TCF20: variants seen among roughly 807,000 people sequenced by gnomAD.
TCF20 encodes the protein SPRE-binding protein.
TCF20 carries 3 observed loss-of-function variants against 148.6 expected under a neutral mutation model. The ratio of observed to expected loss-of-function variants is 0.02; its 90% confidence interval spans 0.01 to 0.05. The LOEUF is 0.05. Among genes scored for constraint, TCF20 ranks in the 10% least tolerant of loss-of-function variants. The probability of loss-of-function intolerance (pLI) is 1.00; values close to 1 mark genes in which losing one functional copy is unlikely to be tolerated. For missense variants in TCF20, 2,350 were observed against 2,429.3 expected (o/e 0.97, Z 0.69); for synonymous variants, 1,049 against 909.5 (o/e 1.15, Z -2.76).
At chr22:42,183,801 T>G (rs1936904093) in intron 2 of TCF20, among the ~76,000 whole-genome samples, 2 of 151,750 alleles carry the variant, frequency 1.3e-5, no homozygotes, top group Admixed American at 1.3e-4. Context: ...TGATGGAGTT[T>G]CGCTCTTGTC....
chr22:42,249,472 A>T (rs982895674), intron 1 of TCF20, among the ~76,000 whole-genome samples: 14 of 152,348 alleles, frequency 9.2e-5, no homozygotes, highest in African/African-American at 3.4e-4. Flanking sequence ...GCACAATTGA[A>T]GAGATCTGTG....
intron 1 of TCF20, among the ~76,000 whole-genome samples, chr22:42,267,606 T>A (rs1456956654): frequency 6.6e-6 from 1 of 151,800 alleles, no homozygotes; most frequent in East Asian, 1.9e-4. Context: ...GAGGCTGAGG[T>A]GGGAGAATTG....
intron 3 of TCF20, among the ~76,000 whole-genome samples, chr22:42,178,585 CTTTTTTTTTTTTT>C (rs71184870): frequency 1.3e-5 from 1 of 78,428 alleles, no homozygotes; most frequent in Non-Finnish European, 2.5e-5. Flanking sequence ...ACAAATAATT[CTTTTTTTTTTTTT>C]TTTTTTTTTT....
At position 42,215,213 on chromosome 22, in the gene TCF20, G is replaced by T. The variant is rs927176590; in HGVS notation, c.93C>A (p.Ser31Arg). Residue 31 changes from serine to arginine, a missense_variant, in exon 2 of 6, where the codon AGC becomes AGA. Physicochemically the swap from Ser to Arg is moderately radical, Grantham distance 110. This residue lies in a region of TCF20 where 1,641 missense variants were observed against 1,662.6 expected (regional missense o/e 0.99). Transcript: ENST00000677622. ...TCTGGAACATCTGGGCCTGACGAGG[G>T]CTGAACTCTTCTAGCCGGGATGAGC... is the stretch of plus-strand genomic sequence containing the variant. ...VHGSSRLEEF[S>R]PRQAQMFQNF... 1 of 1,614,056 alleles carries T rather than the reference G, an allele frequency of 6.2e-7. No homozygotes were observed. The highest frequency in any genetic ancestry group is 8.5e-7 in the Non-Finnish European group (1 of 1,180,044).
chr22:42,286,191 T>C (rs1356155756), upstream of TCF20, among the ~76,000 whole-genome samples: 2 of 152,224 alleles, frequency 1.3e-5, no homozygotes, highest in Non-Finnish European at 1.5e-5. Context: ...GAACTGTACC[T>C]GTCCCCTCCC....
intron 5 of TCF20, among the ~76,000 whole-genome samples, chr22:42,164,144 T>C (rs1935630284): frequency 6.6e-6 from 1 of 151,858 alleles, no homozygotes; most frequent in African/African-American, 2.4e-5. Context: ...TCTGAATCTA[T>C]ACTGATTAAG....
At chr22:42,313,693 G>A (rs900347988) in intron 1 of TCF20, among the ~76,000 whole-genome samples, 37 of 146,730 alleles carry the variant, frequency 2.5e-4, no homozygotes, top group Non-Finnish European at 2.1e-4. Flanking sequence ...TCCACCTCCT[G>A]TGTTCAAGCA....
chr22:42,314,046 G>A (rs6002686), intron 1 of TCF20, among the ~76,000 whole-genome samples: 84,308 of 152,130 alleles, frequency 0.55, 23,987 homozygotes, highest in African/African-American at 0.67. Context: ...TGTGTTCAGA[G>A]CTGTGACCTT....
intron 1 of TCF20, 80 bp from the exon 2 acceptor site, chr22:42,215,421 A>G: frequency 6.8e-7 from 1 of 1,475,884 alleles, no homozygotes; most frequent in Non-Finnish European, 9.0e-7. Context: ...TGGAGGGAAT[A>G]AAGATGAATC....
At chr22:42,340,884 C>T (rs1271567885) in intron 1 of TCF20, among the ~76,000 whole-genome samples, 14 of 85,678 alleles carry the variant, frequency 1.6e-4, no homozygotes, top group Non-Finnish European at 2.2e-5. Flanking sequence ...AGGAGGGAAG[C>T]CCCCCCCCCC....
intron 3 of TCF20, among the ~76,000 whole-genome samples, chr22:42,174,851 C>A (rs142437509): frequency 1.3e-5 from 2 of 151,928 alleles, no homozygotes; most frequent in Non-Finnish European, 2.9e-5. Context: ...CCGGCTAACA[C>A]GGTGAAACCC....
At chr22:42,253,670 A>C (rs1182257747) in intron 1 of TCF20, among the ~76,000 whole-genome samples, 1 of 152,224 alleles carries the variant, frequency 6.6e-6, no homozygotes, top group East Asian at 1.9e-4. Context: ...AAACCCTGAA[A>C]ACAGTAGAGT....
chr22:42,176,618 C>T (rs1350723234), intron 3 of TCF20, among the ~76,000 whole-genome samples: 2 of 152,228 alleles, frequency 1.3e-5, no homozygotes. Context: ...CTACTTGCTG[C>T]CTTCTCTCAC....
intron 2 of TCF20, among the ~76,000 whole-genome samples, chr22:42,194,160 G>C (rs1189805562): frequency 6.6e-6 from 1 of 152,152 alleles, no homozygotes; most frequent in Non-Finnish European, 1.5e-5. Flanking sequence ...ATTTCCTGGG[G>C]TTCTCTACAG....
At chr22:42,272,756 G>T (rs1322781283), upstream of TCF20, among the ~76,000 whole-genome samples, 1 of 152,222 alleles carries the variant, frequency 6.6e-6, no homozygotes, top group African/African-American at 2.4e-5. Context: ...TCTGGAAAAA[G>T]AACGTGTATG....
Position 42,168,676 on chromosome 22 carries a change from T to C in TCF20, c.5860A>G (p.Thr1954Ala). The change falls in exon 5 of 6, where the codon ACA becomes GCA. Residue 1954 changes from threonine to alanine, a missense_variant. By Grantham distance (58) the Thr-to-Ala change is moderately conservative. Coordinates refer to ENST00000677622, the MANE Select transcript of TCF20 (RefSeq NM_001378418.1). ...QNKTAKGSLS[T>A]EQSERG Reference sequence around the variant, plus strand: ...CCTCACCCCCGCTCCGACTGCTCTGTGCTGAGGCTGCCTTTCGCGGTCTTG... The same window carrying C: ...CCTCACCCCCGCTCCGACTGCTCTGCGCTGAGGCTGCCTTTCGCGGTCTTG... The C allele has an allele frequency of 1.2e-6, 2 of 1,609,948 alleles. No homozygotes were observed. Among genetic ancestry groups the C allele is most frequent in the Non-Finnish European group, 1.7e-6 (2 of 1,178,416 alleles).
At position 42,292,704 on chromosome 22, in the gene TCF20, C is replaced by T. The variant is rs1420182603; in HGVS notation, c.-37+50775G>A. ...TGCAAAGCAGCACACACCTGGGACA[C>T]AGGACCCCACGGCTAGGAAGACAAG... On this transcript the variant is annotated intron_variant, in intron 1 of 1. Coordinates refer to the TCF20 transcript ENST00000515426. This position sits in a 1 kb window ranked among gnomAD's most constrained non-coding sequence, Gnocchi z 4.9. Among the ~76,000 whole-genome samples the T allele has an allele frequency of 5.9e-5, 9 of 152,036 alleles. No individual in the cohort carries two copies. The highest frequency in any genetic ancestry group is 1.3e-4 in the Non-Finnish European group (9 of 68,012).
chr22:42,168,526 G>T, intron 5 of TCF20, 83 bp downstream of exon 5: 1 of 1,511,834 alleles, frequency 6.6e-7, no homozygotes, highest in African/African-American at 1.4e-5. Context: ...TGGTGGCAGA[G>T]CATAGAGCGA....
rs752219945 is a variant in TCF20 at position 42,212,547 on chromosome 22, T to C, written c.2759A>G (p.Lys920Arg). 4.3e-6 allele frequency: 7 copies of C among 1,613,892 alleles called. No individual in the cohort carries two copies. Among genetic ancestry groups the C allele is most frequent in the Non-Finnish European group, 5.9e-6 (7 of 1,179,834 alleles). ...LPGGLVSMETKLKSQSGQIKE... is the reference protein window; with the variant it reads ...LPGGLVSMETRLKSQSGQIKE... ...TATCTGCCCGCTCTGGGATTTCAGC[T>C]TGGTTTCCATGGACACCAAACCACC... The change falls in exon 2 of 6, where the codon AAG (lysine) becomes AGG (arginine). Residue 920 changes from lysine to arginine, a missense_variant. This residue lies in a region of TCF20 where 1,641 missense variants were observed against 1,662.6 expected (regional missense o/e 0.99). Coordinates refer to ENST00000677622, the MANE Select transcript of TCF20 (RefSeq NM_001378418.1).
Sources: gnomAD v4.1 joint callset for allele counts (sites outside exome capture counted in the v4.1 genomes callset) on GRCh38, gnomAD v4.1.1 for gene constraint, gnomAD v4.1.1 regional missense constraint, Gnocchi (gnomAD v3.1) non-coding constraint, MANE v1.5 for transcripts, NCBI Gene and HGNC (gene_info 2026-07-23, HGNC 2026-07-21) for gene names.